The following FAM81A variants were observed in gnomAD, a reference collection of about 807,000 sequenced individuals.
FAM81A encodes the protein protein FAM81A.
Under a neutral mutation model 46.7 loss-of-function variants are expected in FAM81A, and 19 were observed. The observed-to-expected ratio is 0.41, with a 90% CI of 0.28 to 0.60. The LOEUF (loss-of-function observed/expected upper bound fraction) is 0.60, where lower values mean the gene tolerates loss of function less well. FAM81A is among the 20% of genes least tolerant of loss of function. FAM81A has a pLI of 0.34. For missense variants in FAM81A, 377 were observed against 453.5 expected, an observed-to-expected ratio of 0.83 and a Z score of 1.53; for synonymous variants, 183 against 152.9, an observed-to-expected ratio of 1.20 and a Z score of -1.45.
chr15:59,494,834 C>T (rs567907093), intron 4 of FAM81A, among the ~76,000 whole-genome samples: 1 of 152,142 alleles, frequency 6.6e-6, no homozygotes, highest in East Asian at 1.9e-4. Flanking sequence ...TTTTATGTGT[C>T]CATTGGTGAT....
At chr15:59,442,747 C>T (rs553323950) in intron 1 of FAM81A, among the ~76,000 whole-genome samples, 13 of 152,148 alleles carry the variant, frequency 8.5e-5, no homozygotes, top group African/African-American at 2.4e-4. Context: ...TTACCTTTCT[C>T]GCTCTATCCT....
At chr15:59,462,825 A>G (rs1041700411) in intron 3 of FAM81A, among the ~76,000 whole-genome samples, 1 of 152,154 alleles carries the variant, frequency 6.6e-6, no homozygotes, top group Non-Finnish European at 1.5e-5. Context: ...TCCATCCATA[A>G]TGTAGCATGT....
intron 4 of FAM81A, 27 bp from the exon 5 acceptor site, chr15:59,507,186 A>T (rs2082158327): frequency 6.3e-7 from 1 of 1,597,772 alleles, no homozygotes. Flanking sequence ...CTTTAATAAG[A>T]ATCAGCTTTG....
chr15:59,479,519 GAAAAAAAAAAA>G (rs57107735), intron 3 of FAM81A, among the ~76,000 whole-genome samples: 2 of 72,676 alleles, frequency 2.8e-5, no homozygotes, highest in Non-Finnish European at 2.4e-5. Flanking sequence ...TCAAAAATAA[GAAAAAAAAAAA>G]AAAAAAAAAA....
intron 4 of FAM81A, among the ~76,000 whole-genome samples, chr15:59,497,671 G>A (rs1473035568): frequency 6.8e-6 from 1 of 146,960 alleles, no homozygotes; most frequent in Non-Finnish European, 1.5e-5. Context: ...GGAGTTTGAG[G>A]CCAGGAGTTT....
intron 2 of FAM81A, 72 bp downstream of exon 2, chr15:59,458,718 C>A: frequency 1.4e-6 from 2 of 1,415,600 alleles, no homozygotes; most frequent in South Asian, 2.3e-5. Context: ...AAAGCTTGGG[C>A]TGTTACATTA....
At chr15:59,409,567 TC>T (rs1337175885) in intron 2 of FAM81A, among the ~76,000 whole-genome samples, 3 of 151,958 alleles carry the variant, frequency 2.0e-5, no homozygotes, top group Non-Finnish European at 2.9e-5. Context: ...TCCTCTCCTT[TC>T]CCCACAGATC....
chr15:59,490,533 A>C (rs1238308925), intron 3 of FAM81A, among the ~76,000 whole-genome samples: 3 of 152,216 alleles, frequency 2.0e-5, no homozygotes, highest in African/African-American at 7.2e-5. Context: ...ATGCAAATCA[A>C]AACTACATGA....
intron 3 of FAM81A, among the ~76,000 whole-genome samples, chr15:59,489,290 CATACATACATACATACATACATAT>C (rs1567066543): frequency 1.3e-5 from 2 of 150,164 alleles, no homozygotes; most frequent in African/African-American, 4.9e-5. Context: ...TACATACATA[CATACATACATACATACATACATAT>C]ATACATACAT....
Position 59,400,311 on chromosome 15 carries a change from G to A in FAM81A, c.-160-1965G>A, listed in dbSNP as rs541280407. ...TCCCCGCCCACATCCAGCCACTCAC[G>A]GGTCTGATAAATTTACCTCCTCAAT... is the stretch of plus-strand genomic sequence containing the variant. On this transcript the variant is annotated intron_variant, in intron 1 of 4. Coordinates refer to the FAM81A transcript ENST00000558348. 1.4e-3 allele frequency among the ~76,000 whole-genome samples: 220 copies of A among 152,078 alleles called. 2 individuals carry two copies. The highest frequency in any genetic ancestry group is 5.2e-3 in the African/African-American group (214 of 41,474).
At chr15:59,510,777 C>CAAAA (rs71119479) in intron 6 of FAM81A, among the ~76,000 whole-genome samples, 284 of 25,774 alleles carry the variant, frequency 0.011, 40 homozygotes, top group African/African-American at 0.04. Flanking sequence ...GACCCTGTCT[C>CAAAA]AAAAAAAAAA....
At chr15:59,399,779 C>T (rs2081062266) in intron 1 of FAM81A, among the ~76,000 whole-genome samples, 1 of 152,198 alleles carries the variant, frequency 6.6e-6, no homozygotes, top group African/African-American at 2.4e-5. Flanking sequence ...TCCTCCTTTC[C>T]TCCTGCTGCA....
intron 4 of FAM81A, among the ~76,000 whole-genome samples, chr15:59,500,777 C>T (rs1339265069): frequency 1.3e-5 from 2 of 151,824 alleles, no homozygotes; most frequent in African/African-American, 2.4e-5. Context: ...TACCTATTCA[C>T]GTTTTCTGTT....
intron 8 of FAM81A, among the ~76,000 whole-genome samples, chr15:59,518,772 A>G (rs1183578701): frequency 6.6e-6 from 1 of 151,878 alleles, no homozygotes; most frequent in Non-Finnish European, 1.5e-5. Flanking sequence ...TTTCCAGTCT[A>G]GTGTCTTTTT....
intron 1 of FAM81A, among the ~76,000 whole-genome samples, chr15:59,447,629 T>A (rs2081366818): frequency 6.6e-6 from 1 of 152,244 alleles, no homozygotes; most frequent in African/African-American, 2.4e-5. Flanking sequence ...CTTGTCAATC[T>A]AGATACATTG....
At chr15:59,416,378 C>T (rs1330760041) in intron 2 of FAM81A, among the ~76,000 whole-genome samples, 3 of 152,212 alleles carry the variant, frequency 2.0e-5, no homozygotes, top group African/African-American at 7.2e-5. Context: ...CCTCCTCTCC[C>T]CTTTGGTTAA....
intron 3 of FAM81A, among the ~76,000 whole-genome samples, chr15:59,473,803 G>T (rs758012067): frequency 6.6e-6 from 1 of 152,080 alleles, no homozygotes; most frequent in Non-Finnish European, 1.5e-5. Context: ...TTCCTATTTG[G>T]TAGCTGCCAC....
chr15:59,404,114 C>T (rs1409338340), intron 2 of FAM81A, among the ~76,000 whole-genome samples: 1 of 152,082 alleles, frequency 6.6e-6, no homozygotes, highest in Non-Finnish European at 1.5e-5. Flanking sequence ...ATCTCTTGAC[C>T]TCATGATTCG....
At chr15:59,408,063 A>C (rs2081104466) in intron 2 of FAM81A, 1 of 166,578 alleles carries the variant, frequency 6.0e-6, no homozygotes, top group African/African-American at 2.4e-5. Context: ...TTTCTCCAAC[A>C]CGGGATTCAC....
Sources: gnomAD v4.1 joint callset for allele counts (sites outside exome capture counted in the v4.1 genomes callset) on GRCh38, gnomAD v4.1.1 for gene constraint, MANE v1.5 for transcripts, NCBI Gene and HGNC (gene_info 2026-07-23, HGNC 2026-07-21) for gene names.